Variants in BRF1 observed in about 807,000 individuals in gnomAD.
BRF1 encodes BRF1 general transcription factor IIIB subunit.
BRF1 carries 59 observed loss-of-function variants against 81.7 expected under a neutral mutation model. The observed-to-expected ratio is 0.72, with a 90% confidence interval of 0.59 to 0.90. The LOEUF is 0.90. BRF1 is among the 40% of genes least tolerant of loss of function. BRF1 has a pLI of 0.00. For missense variants in BRF1, 1,050 were observed against 936.3 expected (o/e 1.12, Z -1.58); for synonymous variants, 491 against 395.6 (o/e 1.24, Z -2.86).
chr14:105,311,726 G>A (rs587675879), intron 1 of BRF1, among the ~76,000 whole-genome samples: 84 of 152,258 alleles, frequency 5.5e-4, no homozygotes, highest in African/African-American at 2.0e-3. Context: ...CCACAGGTGC[G>A]GCTGCGGGTG....
At chr14:105,286,762 C>T (rs933109544) in intron 1 of BRF1, among the ~76,000 whole-genome samples, 7 of 152,236 alleles carry the variant, frequency 4.6e-5, no homozygotes, top group African/African-American at 9.6e-5. Flanking sequence ...CCCGCCACCA[C>T]GCCCGGCTGG....
chr14:105,295,269 C>G (rs2057687760), intron 1 of BRF1, among the ~76,000 whole-genome samples: 1 of 142,630 alleles, frequency 7.0e-6, no homozygotes, highest in Non-Finnish European at 1.5e-5. Context: ...AAGTTCGAGA[C>G]CAGCCTGAGC....
chr14:105,274,012 G>A (rs190785596), intron 2 of BRF1, among the ~76,000 whole-genome samples: 12 of 152,312 alleles, frequency 7.9e-5, no homozygotes, highest in Admixed American at 3.3e-4. Flanking sequence ...TATAAAACCC[G>A]ATTGTACACT....
At chr14:105,211,423 G>T in intron 16 of BRF1, 130 bp from the exon 17 acceptor site, 1 of 887,558 alleles carries the variant, frequency 1.1e-6, no homozygotes, top group Non-Finnish European at 1.6e-6. Flanking sequence ...CCCGGGGTTG[G>T]CCAGGGCTCC....
chr14:105,211,335 C>G (rs1007062146), intron 16 of BRF1, 42 bp from the exon 17 acceptor site: 1 of 1,516,046 alleles, frequency 6.6e-7, no homozygotes, highest in East Asian at 2.3e-5. Context: ...AGCTGGGAGC[C>G]CTGTGTATCT....
intron 2 of BRF1, among the ~76,000 whole-genome samples, chr14:105,277,896 A>G (rs1384483954): frequency 1.3e-5 from 2 of 152,122 alleles, no homozygotes; most frequent in Non-Finnish European, 1.5e-5. Flanking sequence ...CTGGGACTAC[A>G]GGCACATGCC....
At chr14:105,308,568 C>T (rs1393735459) in intron 1 of BRF1, among the ~76,000 whole-genome samples, 4 of 151,182 alleles carry the variant, frequency 2.6e-5, no homozygotes, top group African/African-American at 9.7e-5. Flanking sequence ...CTGCAACCTC[C>T]GCCTCCTGGG....
At chr14:105,248,195 G>A (rs189408651) in intron 5 of BRF1, 1 of 985,528 alleles carries the variant, frequency 1.0e-6, no homozygotes. Context: ...TCCGTAGCAA[G>A]CTAAATCGCG....
Position 105,249,657 on chromosome 14 carries a change from AGATCGATCTGG to A in BRF1, c.544+2839_544+2849del, listed in dbSNP as rs1461933008. Reference sequence around the variant, plus strand: ...TCGCCTAGGTACATGTACAGTGATGAGATCGATCTGGAAGCCGACACGGTGCTGGCCACTCT... The same window carrying A: ...TCGCCTAGGTACATGTACAGTGATGAAAGCCGACACGGTGCTGGCCACTCT... On this transcript the variant is annotated intron_variant, in intron 5 of 17. Transcript: ENST00000547530. 3.7e-6 allele frequency: 6 copies of A among 1,612,292 alleles called. No homozygotes were observed. The Admixed American group carries it at 5.0e-5, about 13-fold the overall frequency.
intron 11 of BRF1, 81 bp downstream of exon 11, chr14:105,221,567 T>G: frequency 6.6e-7 from 1 of 1,526,362 alleles, no homozygotes; most frequent in Non-Finnish European, 8.7e-7. Context: ...GATGGCAGCA[T>G]CCGGCTCTCC....
intron 2 of BRF1, among the ~76,000 whole-genome samples, chr14:105,282,176 T>G (rs1351139817): frequency 6.6e-6 from 1 of 152,190 alleles, no homozygotes; most frequent in African/African-American, 2.4e-5. Flanking sequence ...TCTCAACCCC[T>G]TGGCAACCAT....
intron 2 of BRF1, among the ~76,000 whole-genome samples, chr14:105,281,016 T>C (rs2057068164): frequency 6.8e-6 from 1 of 146,482 alleles, no homozygotes; most frequent in Non-Finnish European, 1.5e-5. Flanking sequence ...ACAGCCTGCG[T>C]GACCCTGAGC....
intron 5 of BRF1, 161 bp from the exon 6 acceptor site, chr14:105,241,575 C>T: frequency 1.1e-6 from 1 of 930,392 alleles, no homozygotes; most frequent in Admixed American, 2.5e-5. Flanking sequence ...TGACCCTCAG[C>T]TAGGGCAGCC....
intron 4 of BRF1, chr14:105,256,101 G>A: frequency 8.5e-6 from 10 of 1,180,462 alleles, no homozygotes; most frequent in Non-Finnish European, 1.1e-5. Flanking sequence ...CTCCAGCCTG[G>A]GTGACAGAGC....
chr14:105,226,633 C>T lies in BRF1; in HGVS notation c.915+1G>A. On this transcript the variant is annotated splice_donor_variant, in intron 8 of 17. Coordinates refer to ENST00000547530, the MANE Select transcript of BRF1 (RefSeq NM_001519.4). LOFTEE classifies it high-confidence loss of function. Reference sequence around the variant, plus strand: ...CAGACAGACACCAAAGCCGGCGCTACCTGCTTCATCCGCAGCTTCCTCTGC... The same window carrying T: ...CAGACAGACACCAAAGCCGGCGCTATCTGCTTCATCCGCAGCTTCCTCTGC... The T allele has an allele frequency of 6.2e-7, 1 of 1,613,080 alleles. No individual in the cohort carries two copies. Among genetic ancestry groups the T allele is most frequent in the Non-Finnish European group, 8.5e-7 (1 of 1,180,010 alleles).
rs1386738404 is a variant in BRF1, at chr14:105,248,576, G to GGCGAGCGGGCGA, written c.544+3930_544+3931insTCGCCCGCTCGC. ...GCCGCGGCGGGTACGGGCTCGGGCG[G>GGCGAGCGGGCGA]GCGGGCGGGCGGGACGGCGCCCCCC... On this transcript the variant is annotated intron_variant, in intron 5 of 17. Transcript: ENST00000547530. 9.0e-5 allele frequency: 82 copies of GGCGAGCGGGCGA among 913,598 alleles called. No homozygotes were observed. The South Asian group carries it at 2.1e-3, about 23-fold the overall frequency. 56.6% of individuals were successfully genotyped at this position (913,598 alleles called of 1,614,324 possible).
upstream of BRF1, among the ~76,000 whole-genome samples, chr14:105,301,433 A>AG (rs587687991): frequency 1.1e-3 from 112 of 101,962 alleles, no homozygotes; most frequent in Middle Eastern, 5.4e-3. Flanking sequence ...GCTTGAGGCG[A>AG]GGGGGCCGAG....
chr14:105,315,129 C>G lies in BRF1; in HGVS notation c.-162+193G>C. ...TGCGCGCCCCATCCCCGGCCCGGGT[C>G]CCCCAGCGGAGCCCAGGTCGCCCCC... On this transcript the variant is annotated intron_variant, in intron 1 of 17. Coordinates refer to the BRF1 transcript ENST00000327359. The surrounding 1 kb of genome is among the most constrained non-coding windows in gnomAD (Gnocchi z 4.4). 1 of 798,606 alleles carries G rather than the reference C, an allele frequency of 1.3e-6. No individual in the cohort carries two copies. The highest frequency in any genetic ancestry group is 1.5e-6 in the Non-Finnish European group (1 of 650,130). The allele number at this position is 798,606 out of a possible 1,614,324, so 49.5% of individuals were successfully genotyped here.
chr14:105,227,729 G>C (rs976103466), intron 7 of BRF1: 14 of 152,244 alleles, frequency 9.2e-5, no homozygotes, highest in African/African-American at 3.4e-4. Context: ...GAGCCATGGG[G>C]CTCAGTTCTT....
Sources: gnomAD v4.1 joint callset for allele counts (sites outside exome capture counted in the v4.1 genomes callset) on GRCh38, gnomAD v4.1.1 for gene constraint, Gnocchi (gnomAD v3.1) non-coding constraint, MANE v1.5 for transcripts, NCBI Gene and HGNC (gene_info 2026-07-23, HGNC 2026-07-21) for gene names.